The following PDE6C variants were observed in gnomAD, a reference collection of about 807,000 sequenced individuals.
PDE6C encodes the protein cone cGMP-specific 3',5'-cyclic phosphodiesterase subunit alpha'.
A neutral mutation model predicts 113.1 loss-of-function variants in PDE6C; 75 were observed. That is an observed-to-expected ratio of 0.66 (90% CI 0.55 to 0.80). The LOEUF (loss-of-function observed/expected upper bound fraction) is 0.80, where lower values mean the gene tolerates loss of function less well. PDE6C is among the 30% of genes least tolerant of loss of function. PDE6C has a pLI of 0.00. For synonymous variants in PDE6C, 375 were observed against 363.7 expected, an observed-to-expected ratio of 1.03 and a Z score of -0.35; for missense variants, 912 against 1,038.6, an observed-to-expected ratio of 0.88 and a Z score of 1.67.
intron 15 of PDE6C, among the ~76,000 whole-genome samples, chr10:93,652,991 C>T (rs1265992157): frequency 6.6e-6 from 1 of 152,160 alleles, no homozygotes; most frequent in Non-Finnish European, 1.5e-5. Flanking sequence ...TTCCTCCCCT[C>T]CCCCTGCTTT....
chr10:93,627,258 C>CAAGAAAAAAAAAAAA (rs71031524), intron 7 of PDE6C, among the ~76,000 whole-genome samples: 6 of 52,580 alleles, frequency 1.1e-4, no homozygotes, highest in East Asian at 7.5e-4. Context: ...TGAAACTCCA[C>CAAGAAAAAAAAAAAA]AAAAAAAAAA....
In PDE6C at chr10:93,663,141, AGAG is replaced by A. The variant is rs1564806983; in HGVS notation, c.2486_2488del (p.Glu829del). The A allele has an allele frequency of 6.2e-6, 10 of 1,613,794 alleles. No individual in the cohort carries two copies. The highest frequency in any genetic ancestry group is 7.6e-6 in the Non-Finnish European group (9 of 1,179,846). ...ATGATGCAAAGATGAAGGTCATTGA[AGAG>A]GAGGCAAAAAAGCAAGAAGGAGGAG... On this transcript the variant is annotated inframe_deletion, in exon 21 of 22. Transcript: ENST00000371447.
chr10:93,648,472 T>C (rs1262314956), intron 15 of PDE6C, among the ~76,000 whole-genome samples: 1 of 152,198 alleles, frequency 6.6e-6, no homozygotes, highest in Admixed American at 6.5e-5. Flanking sequence ...AGTTCTTGTA[T>C]TTTTTTCATT....
At chr10:93,633,717 A>G (rs1311559367) in intron 8 of PDE6C, among the ~76,000 whole-genome samples, 1 of 152,020 alleles carries the variant, frequency 6.6e-6, no homozygotes, top group Non-Finnish European at 1.5e-5. Flanking sequence ...GACTATCTTC[A>G]TGGATCAGTC....
At chr10:93,653,734 CTG>C (rs1412928767) in intron 15 of PDE6C, among the ~76,000 whole-genome samples, 2 of 152,070 alleles carry the variant, frequency 1.3e-5, no homozygotes, top group Non-Finnish European at 2.9e-5. Context: ...GTAATTTAGA[CTG>C]GTCAACACCC....
At chr10:93,660,722 C>CT (rs752192437) in intron 18 of PDE6C, among the ~76,000 whole-genome samples, 1 of 152,180 alleles carries the variant, frequency 6.6e-6, no homozygotes, top group Non-Finnish European at 1.5e-5. Context: ...TTCCTCTGTT[C>CT]TTTATCGATG....
chr10:93,646,991 G>C (rs775676067), intron 15 of PDE6C, among the ~76,000 whole-genome samples: 63 of 152,224 alleles, frequency 4.1e-4, no homozygotes, highest in Non-Finnish European at 6.2e-4. Flanking sequence ...GGTGGGATCA[G>C]AGATGGCTTT....
chr10:93,637,542 T>A (rs1159635172), intron 11 of PDE6C, among the ~76,000 whole-genome samples: 2 of 152,218 alleles, frequency 1.3e-5, no homozygotes, highest in African/African-American at 4.8e-5. Context: ...AAATTAACTT[T>A]CCCACTTCAC....
chr10:93,651,343 G>C lies in PDE6C; in HGVS notation c.1936-4417G>C, dbSNP rs536580425. On this transcript the variant is annotated intron_variant, in intron 15 of 21. Transcript: ENST00000371447. ...TGAGACTGGGTAATTATAAAGAAAA[G>C]AGGTTTAATTGACTCACAGTTCTGC... is the stretch of plus-strand genomic sequence containing the variant. Among the ~76,000 whole-genome samples, 212 of 152,212 alleles carry C rather than the reference G, an allele frequency of 1.4e-3. 7 individuals carry two copies. The highest frequency in any genetic ancestry group is 1.2e-3 in the Non-Finnish European group (81 of 68,044).
At chr10:93,649,248 C>T (rs2058598553) in intron 15 of PDE6C, among the ~76,000 whole-genome samples, 1 of 152,146 alleles carries the variant, frequency 6.6e-6, no homozygotes, top group Non-Finnish European at 1.5e-5. Context: ...TTGTCTAGTG[C>T]ACCTGTCTCC....
intron 7 of PDE6C, among the ~76,000 whole-genome samples, chr10:93,627,533 A>G (rs7076251): frequency 0.16 from 23,900 of 152,058 alleles, 2,769 homozygotes; most frequent in African/African-American, 0.33. Context: ...AAGCATAAAT[A>G]TGGGGGATGG....
At chr10:93,659,290 C>T (rs2058655434) in intron 18 of PDE6C, 123 bp downstream of exon 18, 2 of 705,214 alleles carry the variant, frequency 2.8e-6, no homozygotes, top group Admixed American at 2.4e-5. Context: ...ATTAGTGAGA[C>T]AGTAGGCAAT....
chr10:93,634,021 A>G (rs544210793), intron 8 of PDE6C, among the ~76,000 whole-genome samples: 4 of 149,366 alleles, frequency 2.7e-5, no homozygotes, highest in Non-Finnish European at 4.5e-5. Flanking sequence ...CCAAAAGATT[A>G]CTCTTTCTTT....
At chr10:93,664,169 G>C (rs147184751) in intron 21 of PDE6C, among the ~76,000 whole-genome samples, 18 of 152,250 alleles carry the variant, frequency 1.2e-4, no homozygotes, top group African/African-American at 4.1e-4. Context: ...CCTTTATCTT[G>C]AACAATTTAC....
chr10:93,659,244 T>G (rs2058655352), intron 18 of PDE6C, 77 bp downstream of exon 18: 1 of 999,984 alleles, frequency 1.0e-6, no homozygotes, highest in Non-Finnish European at 1.6e-6. Context: ...CACCTAAAGA[T>G]CTCAGGCAAC....
chr10:93,659,031 C>A, intron 17 of PDE6C, 23 bp downstream of exon 17: 1 of 1,576,230 alleles, frequency 6.3e-7, no homozygotes. Flanking sequence ...AATTGTATTT[C>A]TCTCTTGTTT....
At chr10:93,635,001 G>C (rs2058521097) in intron 9 of PDE6C, 94 bp downstream of exon 9, 2 of 1,345,268 alleles carry the variant, frequency 1.5e-6, no homozygotes, top group South Asian at 2.4e-5. Context: ...TATTTTGAAG[G>C]GCCATTAAGA....
intron 14 of PDE6C, among the ~76,000 whole-genome samples, chr10:93,645,097 A>G (rs1473242179): frequency 6.6e-6 from 1 of 151,890 alleles, no homozygotes; most frequent in Non-Finnish European, 1.5e-5. Flanking sequence ...ATCTCAGAAG[A>G]TAGAAAGCAG....
Position 93,644,798 on chromosome 10 carries a change from T to TAC in PDE6C, c.1848-1161_1848-1160insCA, listed in dbSNP as rs1331273045. Among the ~76,000 whole-genome samples the TAC allele has an allele frequency of 1.1e-4, 14 of 132,268 alleles. 1 individual carries two copies. The highest frequency in any genetic ancestry group is 2.4e-4 in the Admixed American group (3 of 12,324). The allele number at this position is 132,268 out of a possible 152,430, so 86.8% of individuals were successfully genotyped here. On this transcript the variant is annotated intron_variant, in intron 14 of 21. Transcript: ENST00000371447. ...GGTGCGTGTATATATATATATATAG[T>TAC]ATATATATAGTATGTATATAGTACT... is the stretch of plus-strand genomic sequence containing the variant.
Sources: allele counts gnomAD v4.1 joint callset (sites outside exome capture counted in the v4.1 genomes callset), GRCh38; gene constraint gnomAD v4.1.1; transcripts MANE v1.5; gene names NCBI Gene and HGNC (gene_info 2026-07-23, HGNC 2026-07-21).